OSBPL1A: variants seen among roughly 807,000 people sequenced by gnomAD.
OSBPL1A encodes the protein oxysterol-binding protein-related protein 1.
OSBPL1A carries 80 observed loss-of-function variants against 137.1 expected under a neutral mutation model. That is an observed-to-expected ratio of 0.58 (90% confidence interval 0.49 to 0.70). OSBPL1A has a LOEUF of 0.70. OSBPL1A is among the 30% of genes least tolerant of loss of function. The pLI, the probability that OSBPL1A is intolerant of heterozygous loss-of-function variation, is 0.00. For synonymous variants in OSBPL1A, 365 were observed against 389.7 expected (o/e 0.94, Z 0.75); for missense variants, 970 against 1,129.4 (o/e 0.86, Z 2.02).
chr18:24,277,591 G>C (rs993095776), intron 15 of OSBPL1A, among the ~76,000 whole-genome samples: 2 of 152,192 alleles, frequency 1.3e-5, no homozygotes, highest in Admixed American at 6.5e-5. Context: ...CTAGGAATTA[G>C]AGCCAGGTCT....
intron 17 of OSBPL1A, among the ~76,000 whole-genome samples, chr18:24,214,253 C>T (rs1381894208): frequency 4.1e-5 from 6 of 147,806 alleles, no homozygotes; most frequent in East Asian, 4.0e-4. Flanking sequence ...CTAAAGGAAA[C>T]GGTCTGAACA....
chr18:24,380,995 C>T (rs1906548527), intron 1 of OSBPL1A, among the ~76,000 whole-genome samples: 1 of 151,558 alleles, frequency 6.6e-6, no homozygotes. Context: ...AAGTAAAAAG[C>T]TCTTATAAAC....
chr18:24,310,377 A>G (rs756243802), intron 13 of OSBPL1A, among the ~76,000 whole-genome samples: 4 of 149,694 alleles, frequency 2.7e-5, no homozygotes, highest in Non-Finnish European at 5.9e-5. Context: ...TCACAAGGTC[A>G]GGAGATCAAG....
intron 14 of OSBPL1A, among the ~76,000 whole-genome samples, chr18:24,290,690 T>C (rs2090159840): frequency 4.0e-5 from 6 of 151,746 alleles, no homozygotes; most frequent in Admixed American, 3.9e-4. Context: ...CTCCAAAAAA[T>C]AAATAAATAA....
At chr18:24,321,042 A>AG (rs2090842103) in intron 7 of OSBPL1A, among the ~76,000 whole-genome samples, 3 of 150,690 alleles carry the variant, frequency 2.0e-5, no homozygotes, top group African/African-American at 7.4e-5. Flanking sequence ...AAAAAAAAAA[A>AG]AAAGAAAAGA....
chr18:24,291,500 G>A (rs2090172855), intron 14 of OSBPL1A, among the ~76,000 whole-genome samples: 1 of 152,106 alleles, frequency 6.6e-6, no homozygotes, highest in African/African-American at 2.4e-5. Context: ...AAATGAGGTA[G>A]GAGGATAGAA....
rs1253229480 is a variant in OSBPL1A, at chr18:24,196,197, T to G, written c.1605A>C (p.Thr535=). The change falls in exon 18 of 28, where the codon ACA becomes ACC. Residue 535 remains threonine (T), a synonymous_variant. Transcript: ENST00000319481. ...TGGAAAACATAGGAGAAGGCAAACT[T>G]GTTCTGAAAAAAGAAAAGAAAAACA... ...ALSNGIKKHR[T]SLPSPMFSRN... 1.2e-6 allele frequency: 2 copies of G among 1,605,774 alleles called. No homozygotes were observed. Among genetic ancestry groups the G allele is most frequent in the Non-Finnish European group, 1.7e-6 (2 of 1,177,126 alleles).
intron 15 of OSBPL1A, among the ~76,000 whole-genome samples, chr18:24,251,305 C>G (rs527976033): frequency 1.3e-5 from 2 of 152,138 alleles, no homozygotes; most frequent in African/African-American, 2.4e-5. Context: ...GCCTTAAGAC[C>G]CATTGTGGTG....
chr18:24,359,733 G>A (rs993966247), intron 4 of OSBPL1A, among the ~76,000 whole-genome samples: 3 of 151,824 alleles, frequency 2.0e-5, no homozygotes, highest in African/African-American at 7.3e-5. Flanking sequence ...CTGCTAAAAG[G>A]TCAGTGCAAC....
intron 1 of OSBPL1A, among the ~76,000 whole-genome samples, chr18:24,380,556 AT>A (rs1237774278): frequency 2.0e-5 from 3 of 152,228 alleles, no homozygotes. Flanking sequence ...TGGATCCAGG[AT>A]CCCACATCTG....
chr18:24,361,338 T>C (rs969250529), intron 4 of OSBPL1A, among the ~76,000 whole-genome samples: 7 of 152,244 alleles, frequency 4.6e-5, no homozygotes, highest in Admixed American at 6.5e-5. Context: ...TGATGTTTTT[T>C]TGTGACTATA....
At chr18:24,388,828 A>G (rs945553363) in intron 1 of OSBPL1A, among the ~76,000 whole-genome samples, 7 of 151,484 alleles carry the variant, frequency 4.6e-5, no homozygotes, top group Admixed American at 1.3e-4. Flanking sequence ...AAAACCAAAA[A>G]TAACAAAAAA....
intron 5 of OSBPL1A, among the ~76,000 whole-genome samples, chr18:24,338,301 C>T (rs1422664893): frequency 3.3e-5 from 5 of 151,224 alleles, no homozygotes; most frequent in Admixed American, 1.3e-4. Context: ...AGGATGGTCT[C>T]GATCTCCTGA....
intron 5 of OSBPL1A, among the ~76,000 whole-genome samples, chr18:24,335,614 A>G (rs937403156): frequency 2.0e-5 from 3 of 152,342 alleles, no homozygotes; most frequent in Non-Finnish European, 4.4e-5. Flanking sequence ...TACGTCTACA[A>G]TGTCCTGTGC....
chr18:24,306,280 T>G (rs1006291208), intron 13 of OSBPL1A, among the ~76,000 whole-genome samples: 3 of 152,100 alleles, frequency 2.0e-5, no homozygotes, highest in Admixed American at 6.6e-5. Flanking sequence ...TAGCTGTTGG[T>G]TTTGTATGAG....
At chr18:24,170,618 A>G (rs1349877130) in intron 23 of OSBPL1A, 165 bp from the exon 24 acceptor site, 1 of 670,206 alleles carries the variant, frequency 1.5e-6, no homozygotes, top group African/African-American at 1.8e-5. Flanking sequence ...TGGCATCGCC[A>G]TAGACTGTTT....
rs111301081 is a variant in OSBPL1A, at chr18:24,294,219, TG to T, written c.1174+9417del. 6.2e-3 allele frequency among the ~76,000 whole-genome samples: 893 copies of T among 144,710 alleles called. 8 individuals are homozygous for T. Among genetic ancestry groups the T allele is most frequent in the African/African-American group, 0.02 (798 of 39,138 alleles). The allele number at this position is 144,710 out of a possible 152,430, so 94.9% of individuals were successfully genotyped here. A position where few individuals can be genotyped will look rare whatever the true frequency, so the allele number is the denominator to read the frequency against. On this transcript the variant is annotated intron_variant, in intron 14 of 27. Transcript: ENST00000319481. Reference sequence around the variant, plus strand: ...GTGTACACTACATCCAATATGTGGTTGTTTTTTTTTTTGGTGGTGGTGTTGT... The same window carrying T: ...GTGTACACTACATCCAATATGTGGTTTTTTTTTTTTTGGTGGTGGTGTTGT...
intron 4 of OSBPL1A, chr18:24,366,653 G>A: frequency 5.3e-6 from 2 of 377,596 alleles, no homozygotes; most frequent in Non-Finnish European, 9.4e-6. Context: ...GAGTACACAA[G>A]CAGAAACGGA....
At position 24,380,012 on chromosome 18, in the gene OSBPL1A, A is replaced by G. The variant is rs1008037811; in HGVS notation, c.-2-2477T>C. On this transcript the variant is annotated intron_variant, in intron 1 of 27. Transcript: ENST00000319481. ...AATTTTAGAACTTTGGTAACAAAAG[A>G]TATCAGGTAATAAACAAAAGAGCAG... 2.1e-4 allele frequency among the ~76,000 whole-genome samples: 32 copies of G among 152,342 alleles called. No individual in the cohort carries two copies. In the East Asian group the frequency reaches 2.1e-3, roughly 10 times the overall value.
Sources: allele counts gnomAD v4.1 joint callset (sites outside exome capture counted in the v4.1 genomes callset), GRCh38; gene constraint gnomAD v4.1.1; transcripts MANE v1.5; gene names NCBI Gene and HGNC (gene_info 2026-07-23, HGNC 2026-07-21).